C19orf18: variants seen among roughly 807,000 people sequenced by gnomAD.
The protein encoded by C19orf18 is uncharacterized protein C19orf18.
C19orf18 carries 21 observed loss-of-function variants against 23.3 expected under a neutral mutation model. The observed-to-expected ratio is 0.90, with a 90% confidence interval of 0.64 to 1.30. The LOEUF (loss-of-function observed/expected upper bound fraction) is 1.30, where lower values mean the gene tolerates loss of function less well. Ranked by LOEUF, C19orf18 falls within the 50% of genes most tolerant of loss-of-function variation. The pLI, the probability that C19orf18 is intolerant of heterozygous loss-of-function variation, is 0.00. For synonymous variants in C19orf18, 96 were observed against 95.2 expected, an observed-to-expected ratio of 1.01 and a Z score of -0.05; for missense variants, 249 against 259.6, an observed-to-expected ratio of 0.96 and a Z score of 0.28.
chr19:57,965,394 C>T (rs2072901541), intron 4 of C19orf18, among the ~76,000 whole-genome samples: 1 of 152,176 alleles, frequency 6.6e-6, no homozygotes. Flanking sequence ...CTCAGCCTCC[C>T]AGAGTGCTGG....
intron 2 of C19orf18, among the ~76,000 whole-genome samples, 179 bp downstream of exon 2, chr19:57,973,920 G>C (rs1374512468): frequency 6.6e-6 from 1 of 152,064 alleles, no homozygotes; most frequent in Admixed American, 6.6e-5. Context: ...TCCCTAAAGA[G>C]AAAGCAGTTA....
At chr19:57,961,248 A>C in intron 5 of C19orf18, 143 bp downstream of exon 5, 1 of 972,682 alleles carries the variant, frequency 1.0e-6, no homozygotes, top group East Asian at 2.6e-5. Flanking sequence ...AAAAAAATGA[A>C]AGAAAGAAAG....
intron 3 of C19orf18, among the ~76,000 whole-genome samples, chr19:57,972,053 C>T (rs2072948721): frequency 6.6e-6 from 1 of 152,164 alleles, no homozygotes; most frequent in South Asian, 2.1e-4. Flanking sequence ...GAAGGATGCT[C>T]TGGGGCGGGA....
intron 3 of C19orf18, 104 bp from the exon 4 acceptor site, chr19:57,966,736 G>T: frequency 1.4e-6 from 1 of 711,982 alleles, no homozygotes; most frequent in Non-Finnish European, 2.3e-6. Context: ...GTCAAAACCA[G>T]AAACACTTTC....
intron 2 of C19orf18, among the ~76,000 whole-genome samples, chr19:57,973,258 A>T (rs753991434): frequency 6.6e-6 from 1 of 151,502 alleles, no homozygotes; most frequent in Non-Finnish European, 1.5e-5. Context: ...ATTACATGCA[A>T]ATGTATCACA....
intron 2 of C19orf18, 137 bp from the exon 3 acceptor site, chr19:57,972,641 T>TTA (rs2072952907): frequency 1.1e-6 from 1 of 924,934 alleles, no homozygotes; most frequent in Non-Finnish European, 1.6e-6. Flanking sequence ...ATGGGATGTG[T>TTA]TAATACATTC....
chr19:57,969,568 A>AAG (rs2072930570), intron 3 of C19orf18, among the ~76,000 whole-genome samples: 1 of 23,268 alleles, frequency 4.3e-5, no homozygotes, highest in Non-Finnish European at 9.6e-5. Flanking sequence ...AAAAAACAGA[A>AAG]AAAAAAAAAA....
chr19:57,972,576 G>A (rs2072952443), intron 2 of C19orf18, 72 bp from the exon 3 acceptor site: 1 of 1,543,458 alleles, frequency 6.5e-7, no homozygotes, highest in African/African-American at 1.4e-5. Context: ...GGAAAACAAG[G>A]AAATAACTTA....
At chr19:57,964,273 A>G (rs2072893639) in intron 4 of C19orf18, among the ~76,000 whole-genome samples, 1 of 152,156 alleles carries the variant, frequency 6.6e-6, no homozygotes, top group Non-Finnish European at 1.5e-5. Context: ...AATATACAGA[A>G]GCTACAGTTA....
chr19:57,973,034 G>A (rs1409831457), intron 2 of C19orf18, among the ~76,000 whole-genome samples: 1 of 151,604 alleles, frequency 6.6e-6, no homozygotes, highest in Non-Finnish European at 1.5e-5. Flanking sequence ...TGTAGTCCCA[G>A]CTACTCAGGA....
intron 5 of C19orf18, among the ~76,000 whole-genome samples, chr19:57,960,752 G>C (rs2072863473): frequency 6.6e-6 from 1 of 152,202 alleles, no homozygotes; most frequent in Admixed American, 6.5e-5. Flanking sequence ...CCTGCAAAAG[G>C]AACTGAGCAA....
At chr19:57,960,432 A>G (rs927005562) in intron 5 of C19orf18, among the ~76,000 whole-genome samples, 4 of 151,776 alleles carry the variant, frequency 2.6e-5, no homozygotes, top group African/African-American at 9.7e-5. Flanking sequence ...CCTCAAAAAA[A>G]AAAAAAAAAA....
intron 4 of C19orf18, among the ~76,000 whole-genome samples, chr19:57,965,999 G>A (rs1014454641): frequency 5.6e-5 from 8 of 142,138 alleles, no homozygotes; most frequent in African/African-American, 2.1e-4. Context: ...TTTTTTTTCA[G>A]ACGAGTCTCA....
intron 2 of C19orf18, 21 bp from the exon 3 acceptor site, chr19:57,972,525 A>C (rs1478104133): frequency 2.5e-6 from 4 of 1,613,076 alleles, no homozygotes; most frequent in African/African-American, 1.3e-5. Context: ...ATCAAAGGGG[A>C]TCAAAAAGAA....
chr19:57,969,313 T>C (rs1018135965), intron 3 of C19orf18, among the ~76,000 whole-genome samples: 1 of 152,080 alleles, frequency 6.6e-6, no homozygotes, highest in African/African-American at 2.4e-5. Context: ...TCCCAGCACT[T>C]TGGGAGGCCG....
chr19:57,973,096 G>A (rs1243841734), intron 2 of C19orf18, among the ~76,000 whole-genome samples: 4 of 134,856 alleles, frequency 3.0e-5, no homozygotes, highest in Admixed American at 8.6e-5. Flanking sequence ...GTGGTGAGCC[G>A]AGATTGCGCC....
chr19:57,968,382 C>T (rs10424268), intron 3 of C19orf18, among the ~76,000 whole-genome samples: 2,203 of 152,276 alleles, frequency 0.014, 46 homozygotes, highest in African/African-American at 0.05. Context: ...AGGGAATTGT[C>T]AGGAAAGTCC....
rs142722666 is a variant in C19orf18, at chr19:57,974,121, T to G, written c.204A>C (p.Gln68His). The G allele has an allele frequency of 6.2e-7, 1 of 1,614,182 alleles. No individual in the cohort carries two copies. The highest frequency in any genetic ancestry group is 8.5e-7 in the Non-Finnish European group (1 of 1,180,018). The change falls in exon 2 of 6, where the codon CAA becomes CAC. Residue 68 changes from glutamine (Q) to histidine (H), a missense_variant. Physicochemically the swap from Gln to His is conservative, Grantham distance 24. Coordinates refer to ENST00000314391, the MANE Select transcript of C19orf18 (RefSeq NM_152474.5). Reference protein sequence around the residue: ...FFHKTQLPGIQGAASRSTAAS... With the variant: ...FFHKTQLPGIHGAASRSTAAS... ...CACCCGTGGATCTCGAGGCAGCCCCTTGAATCCCAGGCAACTGGGTTTTAT... is the reference window on the plus strand; with the variant it reads ...CACCCGTGGATCTCGAGGCAGCCCCGTGAATCCCAGGCAACTGGGTTTTAT...
chr19:57,973,645 A>G (rs1010353149), intron 2 of C19orf18, among the ~76,000 whole-genome samples: 1 of 151,822 alleles, frequency 6.6e-6, no homozygotes, highest in African/African-American at 2.4e-5. Flanking sequence ...GAATGGTGTG[A>G]ACCCAGGAGG....
Sources: allele counts gnomAD v4.1 joint callset (sites outside exome capture counted in the v4.1 genomes callset), GRCh38; gene constraint gnomAD v4.1.1; transcripts MANE v1.5; gene names NCBI Gene and HGNC (gene_info 2026-07-23, HGNC 2026-07-21).